The following GAB2 variants were observed in gnomAD, a reference collection of about 807,000 sequenced individuals.
GAB2 encodes GRB2 associated binding protein 2.
Under a neutral mutation model 65.5 loss-of-function variants are expected in GAB2, and 26 were observed. The ratio of observed to expected loss-of-function variants is 0.40; its 90% CI spans 0.29 to 0.55. The LOEUF is 0.55. Ranked by LOEUF, GAB2 falls within the 20% of genes least tolerant of loss-of-function variation. The probability of loss-of-function intolerance (pLI) is 0.53; values close to 1 mark genes in which losing one functional copy is unlikely to be tolerated. For synonymous variants in GAB2, 321 were observed against 329.6 expected (o/e 0.97, Z 0.28); for missense variants, 884 against 875.8 (o/e 1.01, Z -0.12).
intron 1 of GAB2, among the ~76,000 whole-genome samples, chr11:78,335,826 A>G (rs1471457465): frequency 2.0e-5 from 3 of 152,272 alleles, no homozygotes; most frequent in Non-Finnish European, 1.5e-5. Context: ...TTTGGGTAGT[A>G]TGGACATTTT....
At chr11:78,365,696 G>A (rs1046707107) in intron 1 of GAB2, among the ~76,000 whole-genome samples, 2 of 152,226 alleles carry the variant, frequency 1.3e-5, no homozygotes, top group African/African-American at 2.4e-5. Flanking sequence ...GCAAACTGAT[G>A]ACCATTCATC....
At chr11:78,253,536 C>T (rs905744115) in intron 2 of GAB2, among the ~76,000 whole-genome samples, 1 of 152,146 alleles carries the variant, frequency 6.6e-6, no homozygotes, top group Admixed American at 6.5e-5. Context: ...TTAATCAATC[C>T]TCCTGCCTCA....
intron 3 of GAB2, among the ~76,000 whole-genome samples, chr11:78,246,572 C>T (rs1865303784): frequency 6.6e-6 from 1 of 151,940 alleles, no homozygotes; most frequent in Non-Finnish European, 1.5e-5. Flanking sequence ...GATCTCGGCC[C>T]ACTGCAACCT....
chr11:78,315,282 T>TTC (rs1171946010), intron 1 of GAB2, among the ~76,000 whole-genome samples: 1 of 152,168 alleles, frequency 6.6e-6, no homozygotes, highest in East Asian at 1.9e-4. Flanking sequence ...AAAATGGCTT[T>TTC]CCCCCCTTTT....
In GAB2 at chr11:78,280,632, G is replaced by T. The variant is rs1200941317; in HGVS notation, c.345C>A (p.Ile115=). The T allele has an allele frequency of 1.9e-6, 3 of 1,614,176 alleles. No individual in the cohort carries two copies. The East Asian group carries it at 6.7e-5, about 36-fold the overall frequency. Residue 115 remains isoleucine (I), a synonymous_variant, in exon 2 of 10, where the codon ATC becomes ATA. Transcript: ENST00000361507. ...MNKWVQSICQ[I]CGFNQAEEST... ...TCTCCTCAGCCTGATTGAAGCCACA[G>T]ATCTGGCAGATGCTCTGGACCCACT...
intron 1 of GAB2, among the ~76,000 whole-genome samples, chr11:78,411,068 A>G (rs1470007928): frequency 6.8e-6 from 1 of 147,776 alleles, no homozygotes; most frequent in East Asian, 2.0e-4. Context: ...CAGTAGGATC[A>G]CCTGAGCCCA....
intron 5 of GAB2, among the ~76,000 whole-genome samples, chr11:78,224,050 C>T (rs1031871190): frequency 6.6e-6 from 1 of 152,010 alleles, no homozygotes; most frequent in Non-Finnish European, 1.5e-5. Context: ...CCACTGCACT[C>T]CAGCCTGGGT....
intron 1 of GAB2, among the ~76,000 whole-genome samples, chr11:78,362,081 TA>T (rs78438663): frequency 0.2 from 27,545 of 139,996 alleles, 2,818 homozygotes; most frequent in East Asian, 0.43. Context: ...TATTATGAAG[TA>T]AAAAAAAAAA....
rs1176430232 is a variant in GAB2, at chr11:78,392,340, T to C, written c.75+25306A>G. The C allele has an allele frequency of 2.6e-5, 4 of 152,086 alleles. No homozygotes were observed. In the Admixed American group the frequency reaches 2.6e-4, roughly 10 times the overall value. 9.4% of individuals were successfully genotyped at this position (152,086 alleles called of 1,614,324 possible). On this transcript the variant is annotated intron_variant, in intron 1 of 9. Coordinates refer to ENST00000361507, the MANE Select transcript of GAB2 (RefSeq NM_080491.3). ...CCATCACAAGGGACTAAATAAACTG[T>C]AACTCTTTTGATTGTTATCTATTTT...
chr11:78,316,265 T>C (rs1031500944), intron 1 of GAB2, among the ~76,000 whole-genome samples: 5 of 152,174 alleles, frequency 3.3e-5, no homozygotes, highest in Non-Finnish European at 7.4e-5. Context: ...AGATGGCCTA[T>C]TGTGGGACTT....
intron 1 of GAB2, among the ~76,000 whole-genome samples, chr11:78,408,856 G>C (rs1025513663): frequency 6.6e-6 from 1 of 152,010 alleles, no homozygotes; most frequent in East Asian, 1.9e-4. Flanking sequence ...CTCACCTTCC[G>C]CCATGACTGT....
chr11:78,227,140 T>C (rs973509040), intron 3 of GAB2, 89 bp from the exon 4 acceptor site: 4 of 860,898 alleles, frequency 4.6e-6, no homozygotes, highest in Non-Finnish European at 7.5e-6. Context: ...TTCTATACTT[T>C]GGTTTAGGCA....
At chr11:78,396,994 A>G (rs1856910449) in intron 1 of GAB2, among the ~76,000 whole-genome samples, 2 of 152,366 alleles carry the variant, frequency 1.3e-5, no homozygotes, top group South Asian at 4.1e-4. Flanking sequence ...AAATACAGGA[A>G]AAAGAGACTA....
intron 1 of GAB2, among the ~76,000 whole-genome samples, chr11:78,350,246 A>G (rs1856255638): frequency 6.6e-6 from 1 of 152,200 alleles, no homozygotes; most frequent in Admixed American, 6.5e-5. Context: ...AACCCTGGGA[A>G]ACTAGGCTCT....
At chr11:78,222,793 G>A (rs1463390922) in intron 6 of GAB2, among the ~76,000 whole-genome samples, 1 of 152,056 alleles carries the variant, frequency 6.6e-6, no homozygotes, top group Admixed American at 6.6e-5. Context: ...ATTTTGGCCA[G>A]GCTGGTCTCG....
chr11:78,290,267 G>T (rs1267819500), intron 1 of GAB2, among the ~76,000 whole-genome samples: 1 of 152,164 alleles, frequency 6.6e-6, no homozygotes, highest in Non-Finnish European at 1.5e-5. Context: ...TATGGATAGG[G>T]TCTACTGTCA....
intron 6 of GAB2, among the ~76,000 whole-genome samples, chr11:78,222,934 C>T (rs996651601): frequency 1.3e-5 from 2 of 152,194 alleles, no homozygotes; most frequent in Admixed American, 1.3e-4. Flanking sequence ...TGACTACTCC[C>T]TGCTGCTCCT....
chr11:78,234,732 T>G (rs979079465), intron 3 of GAB2, among the ~76,000 whole-genome samples: 1 of 151,996 alleles, frequency 6.6e-6, no homozygotes, highest in Non-Finnish European at 1.5e-5. Flanking sequence ...ATTATCTTGA[T>G]TACCATAGTT....
At chr11:78,256,055 A>G (rs1041183995) in intron 2 of GAB2, among the ~76,000 whole-genome samples, 1 of 152,124 alleles carries the variant, frequency 6.6e-6, no homozygotes, top group African/African-American at 2.4e-5. Flanking sequence ...CCTGCAGTTT[A>G]TCATAGAGGG....
Sources: gnomAD v4.1 joint callset for allele counts (sites outside exome capture counted in the v4.1 genomes callset) on GRCh38, gnomAD v4.1.1 for gene constraint, MANE v1.5 for transcripts, NCBI Gene and HGNC (gene_info 2026-07-23, HGNC 2026-07-21) for gene names.